The following CERS6 variants were observed in gnomAD, a reference collection of about 807,000 sequenced individuals.
CERS6 encodes ceramide synthase 6.
Under a neutral mutation model 56.8 loss-of-function variants are expected in CERS6, and 26 were observed. That is an observed-to-expected ratio of 0.46 (90% CI 0.34 to 0.63). The LOEUF (loss-of-function observed/expected upper bound fraction) is 0.63. Among genes scored for constraint, CERS6 ranks in the 30% least tolerant of loss-of-function variants. The probability of loss-of-function intolerance (pLI) is 0.01; values close to 1 mark genes in which losing one functional copy is unlikely to be tolerated. For synonymous variants in CERS6, 164 were observed against 173.3 expected (o/e 0.95, Z 0.42); for missense variants, 415 against 467.5 (o/e 0.89, Z 1.04).
At chr2:168,540,897 G>T (rs912037677) in intron 1 of CERS6, among the ~76,000 whole-genome samples, 4 of 152,176 alleles carry the variant, frequency 2.6e-5, no homozygotes, top group African/African-American at 4.8e-5. Flanking sequence ...GAATCTGTAT[G>T]TCTTAGCCTG....
intron 8 of CERS6, among the ~76,000 whole-genome samples, chr2:168,738,922 T>C (rs1330670247): frequency 6.6e-6 from 1 of 152,100 alleles, no homozygotes; most frequent in Non-Finnish European, 1.5e-5. Flanking sequence ...AGTCTCACTC[T>C]GTTGCCAGGC....
intron 1 of CERS6, among the ~76,000 whole-genome samples, chr2:168,457,434 A>G (rs1693693125): frequency 6.6e-6 from 1 of 152,190 alleles, no homozygotes; most frequent in African/African-American, 2.4e-5. Context: ...ATTGTGTCAC[A>G]TACAAACTTG....
At chr2:168,671,594 A>G (rs562864999) in intron 4 of CERS6, among the ~76,000 whole-genome samples, 7 of 152,316 alleles carry the variant, frequency 4.6e-5, no homozygotes, top group South Asian at 4.1e-4. Context: ...TGATATTACA[A>G]TGAGTGGATT....
At chr2:168,662,759 A>G (rs1438014307) in intron 4 of CERS6, among the ~76,000 whole-genome samples, 1 of 151,790 alleles carries the variant, frequency 6.6e-6, no homozygotes. Context: ...GAGCCCTGGA[A>G]AGAAAGCTAG....
chr2:168,760,856 C>T (rs1684560247), intron 8 of CERS6, among the ~76,000 whole-genome samples: 1 of 151,912 alleles, frequency 6.6e-6, no homozygotes, highest in African/African-American at 2.4e-5. Flanking sequence ...CCCGGGTTCA[C>T]GCCATTCTCC....
At chr2:168,735,392 T>G (rs1683680734) in intron 8 of CERS6, among the ~76,000 whole-genome samples, 1 of 152,152 alleles carries the variant, frequency 6.6e-6, no homozygotes, top group African/African-American at 2.4e-5. Context: ...TCCTAAAAAT[T>G]TATACAAGAA....
At chr2:168,631,746 T>C (rs1340745951) in intron 4 of CERS6, among the ~76,000 whole-genome samples, 1 of 122,812 alleles carries the variant, frequency 8.1e-6, no homozygotes, top group African/African-American at 3.1e-5. Context: ...AACATAATTA[T>C]ATATATTTTC....
chr2:168,541,427 G>A (rs1487413764), intron 1 of CERS6, among the ~76,000 whole-genome samples: 1 of 151,534 alleles, frequency 6.6e-6, no homozygotes, highest in Non-Finnish European at 1.5e-5. Context: ...GTTAGATTTT[G>A]AACAATTGTT....
intron 1 of CERS6, among the ~76,000 whole-genome samples, chr2:168,490,039 T>G (rs1410280880): frequency 6.6e-6 from 1 of 152,204 alleles, no homozygotes; most frequent in Non-Finnish European, 1.5e-5. Context: ...CACCTTCTTG[T>G]GGCAAGTGGT....
At chr2:168,562,329 A>C (rs1695805810) in intron 3 of CERS6, among the ~76,000 whole-genome samples, 2 of 152,198 alleles carry the variant, frequency 1.3e-5, no homozygotes, top group South Asian at 4.1e-4. Flanking sequence ...GAAAGAAGAC[A>C]CAAAGTATAG....
chr2:168,482,419 C>T (rs1472204672), intron 1 of CERS6, among the ~76,000 whole-genome samples: 1 of 152,216 alleles, frequency 6.6e-6, no homozygotes, highest in Non-Finnish European at 1.5e-5. Context: ...AGTAACCTCT[C>T]ACCATGTGCC....
chr2:168,500,340 T>A (rs1470306475), intron 1 of CERS6, among the ~76,000 whole-genome samples: 1 of 152,136 alleles, frequency 6.6e-6, no homozygotes, highest in African/African-American at 2.4e-5. Flanking sequence ...CAAGGGGTGG[T>A]CATATTTGGC....
intron 4 of CERS6, among the ~76,000 whole-genome samples, chr2:168,652,915 G>A (rs1351049896): frequency 6.6e-6 from 1 of 152,118 alleles, no homozygotes; most frequent in African/African-American, 2.4e-5. Context: ...GAGATAACTA[G>A]GATACCCATT....
At chr2:168,639,105 A>G (rs1684929253) in intron 4 of CERS6, among the ~76,000 whole-genome samples, 2 of 152,196 alleles carry the variant, frequency 1.3e-5, no homozygotes. Flanking sequence ...GATTTTCATT[A>G]TTAGACAGTC....
chr2:168,475,118 T>C (rs1471296443), intron 1 of CERS6, among the ~76,000 whole-genome samples: 1 of 152,132 alleles, frequency 6.6e-6, no homozygotes, highest in Non-Finnish European at 1.5e-5. Context: ...TCATATTATC[T>C]CATCGTGCTT....
Position 168,456,703 on chromosome 2 carries a change from C to T in CERS6, c.170+85C>T, listed in dbSNP as rs1693668097. The T allele has an allele frequency of 7.4e-7, 1 of 1,355,938 alleles. No homozygotes were observed. Among genetic ancestry groups the T allele is most frequent in the Non-Finnish European group, 1.0e-6 (1 of 981,950 alleles). 84.0% of individuals were successfully genotyped at this position (1,355,938 alleles called of 1,614,324 possible). ...TCGCGCGCTCTCTGGCGCACGCCCCCGCGCCCCCAACGCTCGCGTTCACGC... is the reference window on the plus strand; with the variant it reads ...TCGCGCGCTCTCTGGCGCACGCCCCTGCGCCCCCAACGCTCGCGTTCACGC... On this transcript the variant is annotated intron_variant, in intron 1 of 9. Coordinates refer to ENST00000305747, the MANE Select transcript of CERS6 (RefSeq NM_203463.3). The surrounding 1 kb of genome is among the most constrained non-coding windows in gnomAD (Gnocchi z 4.1).
At chr2:168,609,149 G>T (rs1367507132) in intron 3 of CERS6, among the ~76,000 whole-genome samples, 1 of 152,144 alleles carries the variant, frequency 6.6e-6, no homozygotes, top group Non-Finnish European at 1.5e-5. Flanking sequence ...TGGATGGTTG[G>T]TTCTATCTCA....
chr2:168,555,760 G>A (rs1695666701), intron 2 of CERS6, among the ~76,000 whole-genome samples: 1 of 148,860 alleles, frequency 6.7e-6, no homozygotes, highest in African/African-American at 2.4e-5. Flanking sequence ...GTGTGTGTGT[G>A]TGTGTATGTA....
chr2:168,636,987 G>A (rs76542144), intron 4 of CERS6, among the ~76,000 whole-genome samples: 2,632 of 152,150 alleles, frequency 0.017, 102 homozygotes, highest in East Asian at 0.16. Context: ...TAATTGCTTC[G>A]TCTCTAAAAT....
Sources: gnomAD v4.1 joint callset for allele counts (sites outside exome capture counted in the v4.1 genomes callset) on GRCh38, gnomAD v4.1.1 for gene constraint, Gnocchi (gnomAD v3.1) non-coding constraint, MANE v1.5 for transcripts, NCBI Gene and HGNC (gene_info 2026-07-23, HGNC 2026-07-21) for gene names.